Variants in LRBA observed in about 807,000 individuals in gnomAD.
LRBA encodes the protein LPS responsive beige-like anchor protein, also known as lipopolysaccharide-responsive and beige-like anchor protein.
A neutral mutation model predicts 330.0 loss-of-function variants in LRBA; 176 were observed. That is an observed-to-expected ratio of 0.53 (90% CI 0.47 to 0.60). The LOEUF (loss-of-function observed/expected upper bound fraction) is 0.60, where lower values mean the gene tolerates loss of function less well. Among genes scored for constraint, LRBA ranks in the 20% least tolerant of loss-of-function variants. The pLI is 0.00. For synonymous variants in LRBA, 1,230 were observed against 1,193.0 expected (o/e 1.03, Z -0.64); for missense variants, 3,259 against 3,444.8 (o/e 0.95, Z 1.35).
At chr4:150,626,545 T>C (rs2059321323) in intron 37 of LRBA, among the ~76,000 whole-genome samples, 1 of 152,106 alleles carries the variant, frequency 6.6e-6, no homozygotes, top group South Asian at 2.1e-4. Flanking sequence ...GAGTTATTCT[T>C]TGTGGTAACA....
intron 35 of LRBA, among the ~76,000 whole-genome samples, chr4:150,756,859 G>T (rs1440210604): frequency 6.6e-6 from 1 of 152,096 alleles, no homozygotes; most frequent in Non-Finnish European, 1.5e-5. Flanking sequence ...TATTAGTTTA[G>T]AGAAAGTTGT....
intron 30 of LRBA, among the ~76,000 whole-genome samples, chr4:150,823,600 T>C (rs1045925958): frequency 2.6e-5 from 4 of 152,200 alleles, no homozygotes; most frequent in African/African-American, 9.6e-5. Flanking sequence ...TTTCAGGTCA[T>C]AGATTTAAGT....
At chr4:150,608,430 AT>A (rs1351188102) in intron 37 of LRBA, among the ~76,000 whole-genome samples, 3 of 152,226 alleles carry the variant, frequency 2.0e-5, no homozygotes, top group African/African-American at 7.2e-5. Flanking sequence ...CTTACAGTCA[AT>A]AAGATAATGG....
chr4:150,554,347 T>C (rs1167715156), intron 40 of LRBA, among the ~76,000 whole-genome samples: 1 of 152,178 alleles, frequency 6.6e-6, no homozygotes, highest in Non-Finnish European at 1.5e-5. Context: ...TGTTGGATAC[T>C]GCGCTGGAGC....
rs956191520 is a variant in LRBA at position 150,367,457 on chromosome 4, A to C, written c.7195-17298T>G. 3.3e-5 allele frequency among the ~76,000 whole-genome samples: 5 copies of C among 152,228 alleles called. No homozygotes were observed. In the East Asian group the frequency reaches 9.6e-4, roughly 29 times the overall value. ...GGGGCATTACTGCCTGCTGTTTTAC[A>C]AGTAATCATCAATTCATTGGGCCAA... On this transcript the variant is annotated intron_variant, in intron 47 of 56. Transcript: ENST00000651943.
intron 46 of LRBA, among the ~76,000 whole-genome samples, chr4:150,424,007 T>C (rs1749196719): frequency 6.6e-6 from 1 of 152,212 alleles, no homozygotes; most frequent in Non-Finnish European, 1.5e-5. Context: ...TAATACATTG[T>C]ATTTCGCTAA....
intron 50 of LRBA, among the ~76,000 whole-genome samples, chr4:150,318,860 T>C (rs1732086449): frequency 6.6e-6 from 1 of 152,106 alleles, no homozygotes; most frequent in Admixed American, 6.6e-5. Context: ...CTGCAGAACC[T>C]TGCAGTTCCC....
intron 51 of LRBA, 118 bp downstream of exon 51, chr4:150,315,443 T>C (rs1731596061): frequency 1.2e-6 from 1 of 834,482 alleles, no homozygotes; most frequent in Non-Finnish European, 2.0e-6. Flanking sequence ...TGCATGCAAA[T>C]GGTTTATCAG....
At chr4:150,550,289 G>C (rs1160929194) in intron 40 of LRBA, among the ~76,000 whole-genome samples, 2 of 151,918 alleles carry the variant, frequency 1.3e-5, no homozygotes, top group Non-Finnish European at 2.9e-5. Flanking sequence ...CTCCACTTTA[G>C]GGGTAGCTAA....
At chr4:150,768,058 T>C (rs187562613) in intron 34 of LRBA, among the ~76,000 whole-genome samples, 2,661 of 120,370 alleles carry the variant, frequency 0.022, 38 homozygotes, top group Middle Eastern at 0.07. Flanking sequence ...AATGAGACTC[T>C]GTCTCAAAAA....
chr4:150,579,122 G>C (rs1770892817), intron 40 of LRBA: 1 of 388,742 alleles, frequency 2.6e-6, no homozygotes, highest in Non-Finnish European at 5.0e-6. Flanking sequence ...TCTCTCACTT[G>C]GTCTCCTTTA....
At chr4:150,517,644 G>A (rs1424831367) in intron 40 of LRBA, among the ~76,000 whole-genome samples, 1 of 152,134 alleles carries the variant, frequency 6.6e-6, no homozygotes, top group Non-Finnish European at 1.5e-5. Context: ...AACAAGCAAT[G>A]AGTAGATTAT....
At position 150,844,651 on chromosome 4, in the gene LRBA, T is replaced by A; in HGVS notation, c.4461+7A>T. ...CTTTTTGAAAATTAATTAATCTGTATACTTACCTTCGCTGCAGATTTCCCT... is the reference window on the plus strand; with the variant it reads ...CTTTTTGAAAATTAATTAATCTGTAAACTTACCTTCGCTGCAGATTTCCCT... On this transcript the variant is annotated splice_region_variant and intron_variant, in intron 27 of 56. Transcript: ENST00000651943. 1 of 1,609,608 alleles carries A rather than the reference T, an allele frequency of 6.2e-7. No individual in the cohort carries two copies. Among genetic ancestry groups the A allele is most frequent in the Non-Finnish European group, 8.5e-7 (1 of 1,177,932 alleles).
intron 44 of LRBA, among the ~76,000 whole-genome samples, chr4:150,448,319 T>C (rs1752863614): frequency 6.6e-6 from 1 of 152,210 alleles, no homozygotes; most frequent in South Asian, 2.1e-4. Flanking sequence ...TCAGGGAATG[T>C]TGCTGTCATT....
chr4:150,727,073 T>TTG (rs1729792140), intron 36 of LRBA, among the ~76,000 whole-genome samples: 1 of 131,618 alleles, frequency 7.6e-6, no homozygotes, highest in South Asian at 2.7e-4. Flanking sequence ...CGTTGTTTTT[T>TTG]TTTTTTTTTT....
At chr4:150,308,444 TAATA>T (rs1730634797) in intron 52 of LRBA, among the ~76,000 whole-genome samples, 2 of 152,246 alleles carry the variant, frequency 1.3e-5, no homozygotes, top group African/African-American at 4.8e-5. Context: ...TAATACTTGA[TAATA>T]AATAACTCTG....
intron 53 of LRBA, among the ~76,000 whole-genome samples, chr4:150,297,194 C>T (rs186707646): frequency 6.6e-6 from 1 of 152,244 alleles, no homozygotes; most frequent in East Asian, 1.9e-4. Flanking sequence ...TCATTTTTCT[C>T]TGCAACCAAA....
At chr4:150,900,351 A>G in intron 13 of LRBA, 134 bp from the exon 14 acceptor site, 1 of 572,852 alleles carries the variant, frequency 1.7e-6, no homozygotes, top group Non-Finnish European at 3.0e-6. Context: ...TAATATCCAT[A>G]TTAGACAACA....
chr4:150,556,708 A>G (rs1010050250), intron 40 of LRBA, among the ~76,000 whole-genome samples: 1 of 152,156 alleles, frequency 6.6e-6, no homozygotes, highest in South Asian at 2.1e-4. Context: ...GCAGATTGAC[A>G]TATTATATAG....
Sources: gnomAD v4.1 joint callset for allele counts (sites outside exome capture counted in the v4.1 genomes callset) on GRCh38, gnomAD v4.1.1 for gene constraint, MANE v1.5 for transcripts, NCBI Gene and HGNC (gene_info 2026-07-23, HGNC 2026-07-21) for gene names.